Variants in TP53BP2 observed in about 807,000 individuals in gnomAD.
The protein encoded by TP53BP2 is apoptosis-stimulating of p53 protein 2.
A neutral mutation model predicts 126.2 loss-of-function variants in TP53BP2; 62 were observed. The ratio of observed to expected loss-of-function variants is 0.49; its 90% confidence interval spans 0.40 to 0.61. The LOEUF is 0.61. Among genes scored for constraint, TP53BP2 ranks in the 20% least tolerant of loss-of-function variants. The pLI is 0.00. For missense variants in TP53BP2, 1,215 were observed against 1,402.8 expected (o/e 0.87, Z 2.14); for synonymous variants, 485 against 502.9 (o/e 0.96, Z 0.48).
At chr1:223,840,837 G>A (rs1377867348) in intron 1 of TP53BP2, among the ~76,000 whole-genome samples, 1 of 152,204 alleles carries the variant, frequency 6.6e-6, no homozygotes, top group Non-Finnish European at 1.5e-5. Flanking sequence ...GTATGCTTGT[G>A]TAAATTTCTT....
In TP53BP2 at chr1:223,837,155, AG is replaced by A. The variant is rs139243545; in HGVS notation, c.27+8498del. On this transcript the variant is annotated intron_variant, in intron 1 of 17. Transcript: ENST00000343537. ...CTATTGTTTTAAAATTAAAAAAAAA[AG>A]GGGGGGGGCGGGGGGTCAAGGAACT... Among the ~76,000 whole-genome samples, 440 of 76,712 alleles carry A rather than the reference AG, an allele frequency of 5.7e-3. 2 individuals carry two copies. The highest frequency in any genetic ancestry group is 0.015 in the African/African-American group (310 of 20,928). 50.3% of individuals were successfully genotyped at this position (76,712 alleles called of 152,430 possible). A position where few individuals can be genotyped will look rare whatever the true frequency, so the allele number is the denominator to read the frequency against.
rs779008340 is a variant in TP53BP2 at position 223,803,458 on chromosome 1, T to C, written c.650-6A>G. The C allele has an allele frequency of 1.3e-4, 206 of 1,604,228 alleles. No individual in the cohort carries two copies. The highest frequency in any genetic ancestry group is 1.6e-4 in the Non-Finnish European group (189 of 1,174,406). On this transcript the variant is annotated splice_polypyrimidine_tract_variant and splice_region_variant and intron_variant, in intron 6 of 17. Coordinates refer to ENST00000343537, the MANE Select transcript of TP53BP2 (RefSeq NM_001031685.3). ...CATCTGTTCAATTTCCTCCACTAGA[T>C]GAGACAGAGAACAGCAACAACAGTT...
Position 223,804,180 on chromosome 1 carries a change from T to C in TP53BP2, c.643A>G (p.Lys215Glu), listed in dbSNP as rs1662633825. The change falls in exon 6 of 18, where the codon AAA becomes GAA. Residue 215 changes from lysine to glutamate, a missense_variant. Lys to Glu is a moderately conservative substitution (Grantham distance 56). Coordinates refer to ENST00000343537, the MANE Select transcript of TP53BP2 (RefSeq NM_001031685.3). Reference sequence around the variant, plus strand: ...TCTATGAGGAACAACTCACCAAGTTTCCCATTGCTTAGTCTCTTCTGTTCC... The same window carrying C: ...TCTATGAGGAACAACTCACCAAGTTCCCCATTGCTTAGTCTCTTCTGTTCC... ...HVEQKRLSNGKLVEEIEQMNN... is the reference protein window; with the variant it reads ...HVEQKRLSNGELVEEIEQMNN... 1 of 1,597,262 alleles carries C rather than the reference T, an allele frequency of 6.3e-7. No homozygotes were observed. Among genetic ancestry groups the C allele is most frequent in the African/African-American group, 1.4e-5 (1 of 73,568 alleles).
At chr1:223,794,495 G>A (rs2102842234) in intron 13 of TP53BP2, among the ~76,000 whole-genome samples, 1 of 152,226 alleles carries the variant, frequency 6.6e-6, no homozygotes, top group Non-Finnish European at 1.5e-5. Context: ...AAATCGAGAA[G>A]GAAAAGGTAA....
rs778512219 is a variant in TP53BP2, at chr1:223,796,172, G to A, written c.2367C>T (p.Ser789=). ...AATATGGATTCTGGATTTCTACTGG[G>A]CTTTCTGAGCTGGCAGTCACAGAAG... ...KSASVTASSE[S]PVEIQNPYLH... is the part of the protein sequence containing the mutation. The change falls in exon 13 of 18, where the codon AGC becomes AGT. Residue 789 remains serine, a synonymous_variant. Transcript: ENST00000343537. This position sits in a 1 kb window ranked among gnomAD's most constrained non-coding sequence, Gnocchi z 4.2. The A allele has an allele frequency of 1.2e-6, 2 of 1,614,148 alleles. No homozygotes were observed. The highest frequency in any genetic ancestry group is 1.7e-6 in the Non-Finnish European group (2 of 1,180,030).
At chr1:223,819,345 A>G (rs1327324497) in intron 2 of TP53BP2, among the ~76,000 whole-genome samples, 2 of 152,080 alleles carry the variant, frequency 1.3e-5, no homozygotes, top group African/African-American at 4.8e-5. Flanking sequence ...CCTCTATGAA[A>G]ATGAGAAGAA....
At position 223,783,643 on chromosome 1, in the gene TP53BP2, CATG is replaced by C. The variant is rs541112625; in HGVS notation, c.3363+469_3363+471del. Among the ~76,000 whole-genome samples the C allele has an allele frequency of 7.0e-3, 1,066 of 152,330 alleles. 21 individuals are homozygous for C. The highest frequency in any genetic ancestry group is 0.024 in the African/African-American group (1,007 of 41,574). On this transcript the variant is annotated intron_variant, in intron 17 of 17. Coordinates refer to ENST00000343537, the MANE Select transcript of TP53BP2 (RefSeq NM_001031685.3). ...TGAAAATACTCCAGGAGAATCTTTA[CATG>C]ATGACAGCAGTCCCATTGTACTACA...
chr1:223,812,815 T>G (rs1222126), intron 3 of TP53BP2, among the ~76,000 whole-genome samples: 50,167 of 151,912 alleles, frequency 0.33, 12,734 homozygotes, highest in African/African-American at 0.71. Context: ...TCCCGCCTCG[T>G]CCTCCCAAAG....
At chr1:223,824,723 G>A in intron 1 of TP53BP2, among the ~76,000 whole-genome samples, 1 of 151,920 alleles carries the variant, frequency 6.6e-6, no homozygotes, top group East Asian at 1.9e-4. Context: ...TGTTTACTAG[G>A]TACCAGAGTA....
chr1:223,832,981 T>C (rs939032340), intron 1 of TP53BP2, among the ~76,000 whole-genome samples: 1 of 152,170 alleles, frequency 6.6e-6, no homozygotes, highest in East Asian at 1.9e-4. Flanking sequence ...ACACTACATA[T>C]TTGAGTCCTT....
intron 14 of TP53BP2, 85 bp from the exon 15 acceptor site, chr1:223,792,607 G>A (rs1662190674): frequency 7.6e-7 from 1 of 1,322,918 alleles, no homozygotes. Flanking sequence ...GGGTCAAGAG[G>A]ACAGAAATGG....
At chr1:223,812,973 C>T (rs1311021241) in intron 3 of TP53BP2, among the ~76,000 whole-genome samples, 1 of 152,196 alleles carries the variant, frequency 6.6e-6, no homozygotes, top group Admixed American at 6.5e-5. Context: ...GCTGGGATTA[C>T]AGGCATGAGC....
intron 1 of TP53BP2, among the ~76,000 whole-genome samples, chr1:223,836,114 G>C (rs966962140): frequency 1.3e-5 from 2 of 152,184 alleles, no homozygotes; most frequent in African/African-American, 4.8e-5. Flanking sequence ...TGGGACGCAA[G>C]GCAGGACAAA....
chr1:223,796,325 T>C lies in TP53BP2; in HGVS notation c.2214A>G (p.Leu738=), dbSNP rs1662320651. The C allele has an allele frequency of 6.2e-7, 1 of 1,614,242 alleles. No homozygotes were observed. The highest frequency in any genetic ancestry group is 8.5e-7 in the Non-Finnish European group (1 of 1,180,036). ...GCTCTGTAATAGAACTACGTTTCTTTAGAGGCCTTGGTGCGTTAGACAGTT... is the reference window on the plus strand; with the variant it reads ...GCTCTGTAATAGAACTACGTTTCTTCAGAGGCCTTGGTGCGTTAGACAGTT... ...RKKLSNAPRP[L]KKRSSITEPE... is the part of the protein sequence containing the mutation. Residue 738 remains leucine, a synonymous_variant, in exon 13 of 18, where the codon CTA becomes CTG. Transcript: ENST00000343537. The surrounding 1 kb of genome is among the most constrained non-coding windows in gnomAD (Gnocchi z 4.2).
At chr1:223,803,851 T>C (rs1442566139) in intron 6 of TP53BP2, among the ~76,000 whole-genome samples, 3 of 152,246 alleles carry the variant, frequency 2.0e-5, no homozygotes, top group Non-Finnish European at 2.9e-5. Flanking sequence ...AGTCAAAAAA[T>C]ATTAAGGGGA....
chr1:223,781,517 T>C (rs1661777436), intron 17 of TP53BP2, among the ~76,000 whole-genome samples: 1 of 152,140 alleles, frequency 6.6e-6, no homozygotes. Flanking sequence ...CAAGTCAAAC[T>C]GATAAATTCA....
Position 223,793,440 on chromosome 1 carries a change from C to G in TP53BP2, c.2725G>C (p.Gly909Arg). The stretch of plus-strand genomic sequence containing the variant: ...GTTTTACGCAAGTTTGTCCTTTTAC[C>G]CTGCAAAGAAAATGGGTGGAAAATT... The part of the protein sequence containing the change: ...EITGQVSLPP[G>R]KRTNLRKTGS... The change falls in exon 14 of 18, where the codon GGT becomes CGT. Residue 909 changes from glycine (G) to arginine (R), a missense_variant and splice_region_variant. By Grantham distance (125) the Gly-to-Arg change is moderately radical (BLOSUM62 -2). Around this residue, in one of 4 missense-constraint regions of TP53BP2, gnomAD observed 204 missense variants for 225.7 expected, o/e 0.90. Coordinates refer to ENST00000343537, the MANE Select transcript of TP53BP2 (RefSeq NM_001031685.3). The G allele has an allele frequency of 6.4e-7, 1 of 1,569,564 alleles. No homozygotes were observed. The highest frequency in any genetic ancestry group is 8.6e-7 in the Non-Finnish European group (1 of 1,162,100).
In TP53BP2 at chr1:223,796,142, A is replaced by C. The variant is rs1293898647; in HGVS notation, c.2397T>G (p.His799Gln). 1 of 1,614,166 alleles carries C rather than the reference A, an allele frequency of 6.2e-7. No individual in the cohort carries two copies. The highest frequency in any genetic ancestry group is 8.5e-7 in the Non-Finnish European group (1 of 1,180,040). ...SPVEIQNPYL[H>Q]VEPEKEVVSL... The stretch of plus-strand genomic sequence containing the variant: ...AGACCACCTCCTTTTCGGGCTCCAC[A>C]TGTAAATATGGATTCTGGATTTCTA... The change falls in exon 13 of 18, where the codon CAT becomes CAG. Residue 799 changes from histidine (H) to glutamine (Q), a missense_variant. Coordinates refer to ENST00000343537, the MANE Select transcript of TP53BP2 (RefSeq NM_001031685.3). The surrounding 1 kb of genome is among the most constrained non-coding windows in gnomAD (Gnocchi z 4.2).
intron 2 of TP53BP2, among the ~76,000 whole-genome samples, chr1:223,819,064 TC>T (rs1663201138): frequency 6.6e-6 from 1 of 150,778 alleles, no homozygotes; most frequent in Non-Finnish European, 1.5e-5. Context: ...ATGCCTGTAA[TC>T]CCCAGCTACT....
Sources: allele counts gnomAD v4.1 joint callset (sites outside exome capture counted in the v4.1 genomes callset), GRCh38; gene constraint gnomAD v4.1.1; regional missense constraint gnomAD v4.1.1; non-coding constraint Gnocchi (gnomAD v3.1); transcripts MANE v1.5; gene names NCBI Gene and HGNC (gene_info 2026-07-23, HGNC 2026-07-21).